The following LRRC36 variants were observed in gnomAD, a reference collection of about 807,000 sequenced individuals.
The protein encoded by LRRC36 is leucine rich repeat containing 36.
LRRC36 carries 62 observed loss-of-function variants against 81.1 expected under a neutral mutation model. The observed-to-expected ratio is 0.76, with a 90% CI of 0.62 to 0.94. The LOEUF is 0.94. Ranked by LOEUF, LRRC36 falls within the 40% of genes least tolerant of loss-of-function variation. LRRC36 has a pLI of 0.00. For missense variants in LRRC36, 761 were observed against 881.7 expected (o/e 0.86, Z 1.73); for synonymous variants, 334 against 348.6 (o/e 0.96, Z 0.47).
chr16:67,352,647 T>C (rs1031710322), intron 5 of LRRC36, among the ~76,000 whole-genome samples: 2 of 60,426 alleles, frequency 3.3e-5, no homozygotes, highest in African/African-American at 2.6e-4. Flanking sequence ...AATGTCTTAT[T>C]TATTTATTTA....
At chr16:67,362,378 G>A (rs1443047769) in intron 5 of LRRC36, 7 of 319,022 alleles carry the variant, frequency 2.2e-5, no homozygotes, top group African/African-American at 1.6e-4. Context: ...GGCCAGGCTG[G>A]TCTCAAACTC....
intron 1 of LRRC36, among the ~76,000 whole-genome samples, chr16:67,340,989 A>G (rs1713517230): frequency 7.8e-6 from 1 of 127,942 alleles, no homozygotes; most frequent in East Asian, 2.2e-4. Flanking sequence ...TAGAATATGT[A>G]TATTATATAT....
chr16:67,345,325 A>AG (rs1228350945), intron 2 of LRRC36, among the ~76,000 whole-genome samples: 1 of 142,892 alleles, frequency 7.0e-6, no homozygotes, highest in Non-Finnish European at 1.5e-5. Flanking sequence ...AAAAAAAAAA[A>AG]AAAAAGTATG....
chr16:67,341,905 G>A lies in LRRC36; in HGVS notation c.71-52G>A. The A allele has an allele frequency of 1.3e-6, 2 of 1,506,566 alleles. 1 individual carries two copies. The highest frequency in any genetic ancestry group is 1.8e-6 in the Non-Finnish European group (2 of 1,107,676). The allele number at this position is 1,506,566 out of a possible 1,614,324, so 93.3% of individuals were successfully genotyped here. A position where few individuals can be genotyped will look rare whatever the true frequency, so the allele number is the denominator to read the frequency against. On this transcript the variant is annotated intron_variant, in intron 1 of 13. Transcript: ENST00000329956. The stretch of plus-strand genomic sequence containing the variant: ...AGAAAGGCCTACTTTCACTGACTCT[G>A]CTGTTGATCCGAGCAGGGATCATAA...
In LRRC36 at chr16:67,378,696, AC is replaced by A. The variant is rs770950447; in HGVS notation, c.1915del (p.Gln639SerfsTer15). ...CTGCCATCTCAATTGTGAGTGGGCA[AC>A]AGTCACATACTTATGGTAAGTTGAG... The part of the protein sequence containing the change: ...GAAISIVSGQ[Q>X]SHTYDDLLHK... On this transcript the variant is annotated frameshift_variant, in exon 12 of 14. Transcript: ENST00000329956. LOFTEE classifies it high-confidence loss of function. 3.7e-6 allele frequency: 6 copies of A among 1,614,020 alleles called. No homozygotes were observed. The highest frequency in any genetic ancestry group is 5.1e-6 in the Non-Finnish European group (6 of 1,179,898).
intron 2 of LRRC36, among the ~76,000 whole-genome samples, chr16:67,345,476 G>A (rs1368361074): frequency 6.6e-6 from 1 of 152,108 alleles, no homozygotes; most frequent in Non-Finnish European, 1.5e-5. Flanking sequence ...TTTTCCTCTT[G>A]AGTTTGCCAG....
chr16:67,335,919 A>G (rs2037739631), intron 1 of LRRC36, among the ~76,000 whole-genome samples: 1 of 151,964 alleles, frequency 6.6e-6, no homozygotes, highest in Admixed American at 6.6e-5. Context: ...TTTAGTAGAG[A>G]CAGGGTTTCT....
At chr16:67,373,462 C>T (rs1185218387) in intron 9 of LRRC36, among the ~76,000 whole-genome samples, 3 of 151,892 alleles carry the variant, frequency 2.0e-5, no homozygotes, top group Non-Finnish European at 4.4e-5. Context: ...AATCCCAGCA[C>T]TTTGGGAGGC....
intron 1 of LRRC36, among the ~76,000 whole-genome samples, chr16:67,334,041 A>T (rs899651659): frequency 6.0e-5 from 9 of 151,234 alleles, no homozygotes; most frequent in African/African-American, 1.2e-4. Context: ...TTATTTATTT[A>T]TTTTTTTGAG....
intron 1 of LRRC36, among the ~76,000 whole-genome samples, chr16:67,340,598 G>A (rs1380176473): frequency 6.6e-6 from 1 of 152,016 alleles, no homozygotes; most frequent in African/African-American, 2.4e-5. Context: ...GGAGGTTGCA[G>A]TGAGCTGAGA....
intron 9 of LRRC36, 131 bp from the exon 10 acceptor site, chr16:67,375,116 G>A (rs1394260662): frequency 1.0e-6 from 1 of 958,636 alleles, no homozygotes; most frequent in African/African-American, 1.7e-5. Context: ...GACAGAGCGA[G>A]ACTCCGTCTC....
In LRRC36 at chr16:67,347,569, T is replaced by G; in HGVS notation, c.466T>G (p.Phe156Val). ...HFSQLGNSENFLLEVEKSSRE... is the reference protein window; with the variant it reads ...HFSQLGNSENVLLEVEKSSRE... ...TAGTCAGTTGGGCAACAGTGAAAAT[T>G]TTCTTTTAGAGGTGGAAAAAAGGTA... The change falls in exon 4 of 14, where the codon TTT becomes GTT. Residue 156 changes from phenylalanine (F) to valine (V), a missense_variant. Phe to Val is a conservative substitution (Grantham distance 50). This residue lies in a region of LRRC36 where 263 missense variants were observed against 279.3 expected (regional missense o/e 0.94). Coordinates refer to ENST00000329956, the MANE Select transcript of LRRC36 (RefSeq NM_018296.6). The G allele has an allele frequency of 6.2e-7, 1 of 1,612,490 alleles. No homozygotes were observed. The highest frequency in any genetic ancestry group is 8.5e-7 in the Non-Finnish European group (1 of 1,178,778).
chr16:67,343,924 C>A (rs2038220181), intron 2 of LRRC36, among the ~76,000 whole-genome samples: 1 of 151,882 alleles, frequency 6.6e-6, no homozygotes, highest in Admixed American at 6.6e-5. Context: ...TCAGGAGATT[C>A]TCCTGACTCA....
At chr16:67,364,837 T>C (rs2039310626) in intron 6 of LRRC36, among the ~76,000 whole-genome samples, 1 of 152,128 alleles carries the variant, frequency 6.6e-6, no homozygotes, top group East Asian at 1.9e-4. Flanking sequence ...ACTGAATACT[T>C]TAAGATAATT....
chr16:67,331,102 AG>A, intron 1 of LRRC36, among the ~76,000 whole-genome samples: 1 of 150,916 alleles, frequency 6.6e-6, no homozygotes. Context: ...AGAGAGAGAG[AG>A]AGAGAGAGAG....
intron 12 of LRRC36, among the ~76,000 whole-genome samples, chr16:67,380,920 T>G (rs535194641): frequency 6.6e-6 from 1 of 152,248 alleles, no homozygotes; most frequent in African/African-American, 2.4e-5. Flanking sequence ...CCCAGGTGAT[T>G]TGTAAGCATA....
chr16:67,373,974 C>T (rs1391175267), intron 9 of LRRC36, among the ~76,000 whole-genome samples: 4 of 151,978 alleles, frequency 2.6e-5, no homozygotes, highest in African/African-American at 7.3e-5. Context: ...GATCATGCGA[C>T]TACAGTCCAG....
At chr16:67,374,457 C>T (rs550123638) in intron 9 of LRRC36, among the ~76,000 whole-genome samples, 132 of 152,148 alleles carry the variant, frequency 8.7e-4, no homozygotes, top group Admixed American at 4.1e-3. Context: ...AGCAGTGGCA[C>T]GATCTCGGCT....
intron 5 of LRRC36, among the ~76,000 whole-genome samples, chr16:67,358,758 T>C (rs999168884): frequency 1.3e-5 from 2 of 152,174 alleles, no homozygotes; most frequent in Admixed American, 1.3e-4. Context: ...CCAAAGAAGA[T>C]ATGCAGCTGG....
Sources: gnomAD v4.1 joint callset for allele counts (sites outside exome capture counted in the v4.1 genomes callset) on GRCh38, gnomAD v4.1.1 for gene constraint, gnomAD v4.1.1 regional missense constraint, MANE v1.5 for transcripts, NCBI Gene and HGNC (gene_info 2026-07-23, HGNC 2026-07-21) for gene names.